CTBP2: variants seen among roughly 807,000 people sequenced by gnomAD.
CTBP2 encodes C-terminal-binding protein 2.
CTBP2 carries 30 observed loss-of-function variants against 80.3 expected under a neutral mutation model. The observed-to-expected ratio is 0.37, with a 90% CI of 0.28 to 0.51. The LOEUF (loss-of-function observed/expected upper bound fraction) is 0.51. CTBP2 is among the 20% of genes least tolerant of loss of function. The probability of loss-of-function intolerance (pLI) is 0.93; values close to 1 mark genes in which losing one functional copy is unlikely to be tolerated. For synonymous variants in CTBP2, 594 were observed against 587.4 expected, an observed-to-expected ratio of 1.01 and a Z score of -0.16; for missense variants, 1,212 against 1,375.3, an observed-to-expected ratio of 0.88 and a Z score of 1.88.
chr10:125,143,219 G>C (rs185762418), intron 1 of CTBP2, among the ~76,000 whole-genome samples: 1 of 151,136 alleles, frequency 6.6e-6, no homozygotes, highest in Non-Finnish European at 1.5e-5. Context: ...CGGGTGTGTT[G>C]GCTCACACCT....
At chr10:125,019,853 C>A (rs1221526890) in intron 1 of CTBP2, among the ~76,000 whole-genome samples, 1 of 152,174 alleles carries the variant, frequency 6.6e-6, no homozygotes, top group Admixed American at 6.5e-5. Flanking sequence ...GAAAAAACAA[C>A]CACAGAATGG....
chr10:125,088,210 A>G (rs1188626563), intron 2 of CTBP2: 2 of 152,258 alleles, frequency 1.3e-5, no homozygotes, highest in African/African-American at 2.4e-5. Context: ...GAGATACTGT[A>G]CGATGTCATT....
chr10:125,110,544 G>A (rs566076565), intron 2 of CTBP2, among the ~76,000 whole-genome samples: 1 of 152,282 alleles, frequency 6.6e-6, no homozygotes. Flanking sequence ...GACTGAAGAG[G>A]TGCCAGTATC....
chr10:125,146,297 T>C (rs62954360), intron 1 of CTBP2, among the ~76,000 whole-genome samples: 2 of 141,608 alleles, frequency 1.4e-5, no homozygotes, highest in Non-Finnish European at 3.1e-5. Context: ...TTTTTTTTTT[T>C]GGAGACAGCG....
rs1042539928 is a variant in CTBP2 at position 125,028,047 on chromosome 10, G to A, written c.-288C>T. 3 of 605,542 alleles carry A rather than the reference G, an allele frequency of 5.0e-6. No individual in the cohort carries two copies. Among genetic ancestry groups the A allele is most frequent in the Non-Finnish European group, 7.1e-6 (3 of 425,476 alleles). 37.5% of individuals were successfully genotyped at this position (605,542 alleles called of 1,614,324 possible). On this transcript the variant is annotated 5_prime_UTR_variant, in exon 1 of 9. Transcript: ENST00000309035. ...GAGGAGGCTGTCCCCAGCCTGCCAG[G>A]TCCCCCTTCCTGGCTGGTGTGCTCA...
intron 1 of CTBP2, among the ~76,000 whole-genome samples, chr10:125,111,414 G>A (rs961967500): frequency 1.3e-5 from 2 of 152,080 alleles, no homozygotes; most frequent in Non-Finnish European, 2.9e-5. Context: ...GCAAGCAAAG[G>A]GACAAAAGAA....
intron 2 of CTBP2, among the ~76,000 whole-genome samples, chr10:125,072,933 G>A (rs1845732341): frequency 6.6e-6 from 1 of 152,200 alleles, no homozygotes; most frequent in Non-Finnish European, 1.5e-5. Flanking sequence ...GTTGACTACA[G>A]TTTTGGCAAT....
intron 1 of CTBP2, among the ~76,000 whole-genome samples, chr10:125,020,945 A>G (rs570615513): frequency 6.6e-6 from 1 of 152,346 alleles, no homozygotes; most frequent in Non-Finnish European, 1.5e-5. Flanking sequence ...ACAGAGGCCT[A>G]GGAGAGCAGT....
At chr10:125,098,694 GAGAGAGAGAGAGAC>G (rs1850026419) in intron 2 of CTBP2, among the ~76,000 whole-genome samples, 6 of 135,778 alleles carry the variant, frequency 4.4e-5, no homozygotes, top group East Asian at 4.5e-4. Context: ...GAGAGAGAGA[GAGAGAGAGAGAGAC>G]AGAGAGAGAG....
chr10:125,144,408 C>T (rs937196983), intron 1 of CTBP2, among the ~76,000 whole-genome samples: 2 of 152,220 alleles, frequency 1.3e-5, no homozygotes, highest in Non-Finnish European at 1.5e-5. Flanking sequence ...AATCGCACTG[C>T]CTCACAACAG....
intron 2 of CTBP2, among the ~76,000 whole-genome samples, chr10:125,061,801 G>A (rs556709200): frequency 2.6e-5 from 4 of 152,264 alleles, no homozygotes; most frequent in South Asian, 2.1e-4. Flanking sequence ...CACCCTTACT[G>A]AGAGGAGCAG....
Position 124,987,934 on chromosome 10 carries a change from C to A in CTBP2, c.*1584G>T, listed in dbSNP as rs573847195. ...ACTCATGGGACTATTTGCAACACTT[C>A]TTTGTAAATATCATTTTGTTTGTTA... On this transcript the variant is annotated 3_prime_UTR_variant, in exon 9 of 9. Coordinates refer to ENST00000309035, the MANE Select transcript of CTBP2 (RefSeq NM_022802.3). The A allele has an allele frequency of 5.9e-5, 9 of 152,264 alleles. No homozygotes were observed. Among genetic ancestry groups the A allele is most frequent in the Admixed American group, 5.2e-4 (8 of 15,274 alleles). The allele number at this position is 152,264 out of a possible 1,614,324, so 9.4% of individuals were successfully genotyped here. A position where few individuals can be genotyped will look rare whatever the true frequency, so the allele number is the denominator to read the frequency against.
chr10:125,153,037 G>A (rs1028091540), intron 1 of CTBP2, among the ~76,000 whole-genome samples: 1 of 152,252 alleles, frequency 6.6e-6, no homozygotes, highest in African/African-American at 2.4e-5. Context: ...GGCACTGGGA[G>A]CCAATGGTCA....
intron 2 of CTBP2, among the ~76,000 whole-genome samples, chr10:125,098,760 GAGAGAGAGAGAGA>G (rs1850121651): frequency 7.8e-6 from 1 of 127,892 alleles, no homozygotes; most frequent in African/African-American, 3.1e-5. Flanking sequence ...CAGAGAGAGA[GAGAGAGAGAGAGA>G]GAGAGACAGA....
intron 2 of CTBP2, among the ~76,000 whole-genome samples, chr10:125,041,971 G>A (rs1320561655): frequency 6.6e-6 from 1 of 150,924 alleles, no homozygotes; most frequent in Non-Finnish European, 1.5e-5. Flanking sequence ...GGCTTTTTTG[G>A]GGGTGGGGGT....
intron 1 of CTBP2, among the ~76,000 whole-genome samples, chr10:125,113,808 A>G (rs1395165349): frequency 6.6e-6 from 1 of 152,202 alleles, no homozygotes; most frequent in East Asian, 1.9e-4. Context: ...AAGGCTTCAC[A>G]GAGGAGGTGA....
At chr10:125,159,400 C>A (rs1591172143) in intron 1 of CTBP2, among the ~76,000 whole-genome samples, 1 of 144,288 alleles carries the variant, frequency 6.9e-6, no homozygotes, top group Non-Finnish European at 1.5e-5. Flanking sequence ...AGAGGAAATG[C>A]CCGGCCCGCC....
chr10:125,147,066 T>C (rs1382695948), intron 1 of CTBP2, among the ~76,000 whole-genome samples: 1 of 152,196 alleles, frequency 6.6e-6, no homozygotes, highest in Non-Finnish European at 1.5e-5. Context: ...TCGACAGCCC[T>C]GGTCACTGAC....
intron 2 of CTBP2, among the ~76,000 whole-genome samples, chr10:125,071,172 C>T (rs567088559): frequency 5.1e-4 from 78 of 152,308 alleles, no homozygotes; most frequent in African/African-American, 1.8e-3. Context: ...CATGCAACCA[C>T]CGCCTGCTGA....
Sources: gnomAD v4.1 joint callset for allele counts (sites outside exome capture counted in the v4.1 genomes callset) on GRCh38, gnomAD v4.1.1 for gene constraint, MANE v1.5 for transcripts, NCBI Gene and HGNC (gene_info 2026-07-23, HGNC 2026-07-21) for gene names.